The following LZTS3 variants were observed in gnomAD, a reference collection of about 807,000 sequenced individuals.
LZTS3 encodes leucine zipper putative tumor suppressor 3.
LZTS3 carries 16 observed loss-of-function variants against 50.9 expected under a neutral mutation model. The observed-to-expected ratio is 0.31, with a 90% confidence interval of 0.21 to 0.48. The LOEUF (loss-of-function observed/expected upper bound fraction) is 0.48. Among genes scored for constraint, LZTS3 ranks in the 20% least tolerant of loss-of-function variants. The pLI, the probability that LZTS3 is intolerant of heterozygous loss-of-function variation, is 0.99. For synonymous variants in LZTS3, 408 were observed against 410.6 expected (o/e 0.99, Z 0.08); for missense variants, 816 against 931.0 (o/e 0.88, Z 1.61).
chr20:3,165,252 G>A lies in LZTS3; in HGVS notation c.1324-100C>T. 1 of 1,280,972 alleles carries A rather than the reference G, an allele frequency of 7.8e-7. No homozygotes were observed. Among genetic ancestry groups the A allele is most frequent in the Non-Finnish European group, 1.0e-6 (1 of 958,918 alleles). The allele number at this position is 1,280,972 out of a possible 1,614,324, so 79.4% of individuals were successfully genotyped here. ...GGAGCCAGGGGCACCAAGCTTCCCGGGGCTGCAGGCTCAGCCCCTCATCAG... is the reference window on the plus strand; with the variant it reads ...GGAGCCAGGGGCACCAAGCTTCCCGAGGCTGCAGGCTCAGCCCCTCATCAG... On this transcript the variant is annotated intron_variant, in intron 4 of 4. Coordinates refer to ENST00000337576, the MANE Select transcript of LZTS3 (RefSeq NM_001365618.1). This position sits in a 1 kb window ranked among gnomAD's most constrained non-coding sequence, Gnocchi z 5.0.
rs370096639 is a variant in LZTS3 at position 3,165,449 on chromosome 20, G to C, written c.1323+48C>G. ...GGGGCAACTGCTCTGGGGTTTCCCA[G>C]AGGGACAGAAGGGAGGCAGAGGGGA... is the stretch of plus-strand genomic sequence containing the variant. On this transcript the variant is annotated intron_variant, in intron 4 of 4. Transcript: ENST00000337576. The surrounding 1 kb of genome is among the most constrained non-coding windows in gnomAD (Gnocchi z 5.0). 89 of 1,425,290 alleles carry C rather than the reference G, an allele frequency of 6.2e-5. No individual in the cohort carries two copies. The highest frequency in any genetic ancestry group is 8.0e-5 in the Non-Finnish European group (86 of 1,081,122). 88.3% of individuals were successfully genotyped at this position (1,425,290 alleles called of 1,614,324 possible). A position where few individuals can be genotyped will look rare whatever the true frequency, so the allele number is the denominator to read the frequency against.
Position 3,165,888 on chromosome 20 carries a change from G to A in LZTS3, c.932C>T (p.Ala311Val), listed in dbSNP as rs147187771. The change falls in exon 4 of 5, where the codon GCC becomes GTC. Residue 311 changes from alanine to valine, a missense_variant. Ala to Val is a moderately conservative substitution (Grantham distance 64, BLOSUM62 0). Transcript: ENST00000337576. This position sits in a 1 kb window ranked among gnomAD's most constrained non-coding sequence, Gnocchi z 5.0. ...EGGGGGLPFA[A>V]CSPPSPSALI... The stretch of plus-strand genomic sequence containing the variant: ...TGCACTGGGGGAGGGCGGTGAGCAG[G>A]CCGCGAAAGGCAGGCCTCCACCTCC... The A allele has an allele frequency of 1.2e-6, 2 of 1,607,578 alleles. No homozygotes were observed. The highest frequency in any genetic ancestry group is 2.2e-5 in the East Asian group (1 of 44,866).
In LZTS3 at chr20:3,163,687, G is replaced by C. The variant is rs2122155899; in HGVS notation, c.*767C>G. On this transcript the variant is annotated 3_prime_UTR_variant, in exon 5 of 5. Transcript: ENST00000337576. The surrounding 1 kb of genome is among the most constrained non-coding windows in gnomAD (Gnocchi z 5.2). ...GCCAAGCAGATGGGGCTGTTGCCCT[G>C]CGGGATCCTGGCCAGAAGGGTGAGG... is the stretch of plus-strand genomic sequence containing the variant. 6.6e-6 allele frequency: 1 copy of C among 152,564 alleles called. No individual in the cohort carries two copies. The highest frequency in any genetic ancestry group is 1.9e-4 in the East Asian group (1 of 5,198). 9.5% of individuals were successfully genotyped at this position (152,564 alleles called of 1,614,324 possible).
At position 3,165,380 on chromosome 20, in the gene LZTS3, C is replaced by G; in HGVS notation, c.1323+117G>C. 1.4e-6 allele frequency: 2 copies of G among 1,398,384 alleles called. No homozygotes were observed. The highest frequency in any genetic ancestry group is 1.9e-6 in the Non-Finnish European group (2 of 1,058,412). The allele number at this position is 1,398,384 out of a possible 1,614,324, so 86.6% of individuals were successfully genotyped here. Reference sequence around the variant, plus strand: ...CACTCCCAATTGATTTTTGTCCCCCCTGCTCCTTTCATCCCCCCCCCCATC... The same window carrying G: ...CACTCCCAATTGATTTTTGTCCCCCGTGCTCCTTTCATCCCCCCCCCCATC... On this transcript the variant is annotated intron_variant, in intron 4 of 4. Coordinates refer to ENST00000337576, the MANE Select transcript of LZTS3 (RefSeq NM_001365618.1). This position sits in a 1 kb window ranked among gnomAD's most constrained non-coding sequence, Gnocchi z 5.0.
rs370607510 is a variant in LZTS3 at position 3,166,007 on chromosome 20, C to T, written c.813G>A (p.Gln271=). The change falls in exon 4 of 5, where the codon CAG becomes CAA. Residue 271 remains glutamine, a synonymous_variant. Transcript: ENST00000337576. ...GTCCACTATCGGAGGTCCCCAGGTC[C>T]TGGTAGCCCGACCCCCCACCGCTGC... ...GGSSGGGSGY[Q]DLGTSDSGRA... 9 of 1,613,298 alleles carry T rather than the reference C, an allele frequency of 5.6e-6. No homozygotes were observed. The African/African-American group carries it at 9.3e-5, about 17-fold the overall frequency.
At position 3,166,375 on chromosome 20, in the gene LZTS3, G is replaced by A. The variant is rs2066820634; in HGVS notation, c.460-15C>T. 6.3e-7 allele frequency: 1 copy of A among 1,585,066 alleles called. No homozygotes were observed. The highest frequency in any genetic ancestry group is 1.2e-5 in the South Asian group (1 of 85,434). Reference sequence around the variant, plus strand: ...GGTTCTGAGCACTGCAGGAAACGCAGGAGGGGGCTGGGGGTCAGGATGAGG... The same window carrying A: ...GGTTCTGAGCACTGCAGGAAACGCAAGAGGGGGCTGGGGGTCAGGATGAGG... On this transcript the variant is annotated splice_polypyrimidine_tract_variant and intron_variant, in intron 3 of 4. Transcript: ENST00000337576.
At position 3,167,973 on chromosome 20, in the gene LZTS3, G is replaced by T; in HGVS notation, c.-242-12C>A. ...TGCAGTTTTCTCCTCTGCGAAATGGGAGGAATGAAGGACCTACCTTGCGGG... is the reference window on the plus strand; with the variant it reads ...TGCAGTTTTCTCCTCTGCGAAATGGTAGGAATGAAGGACCTACCTTGCGGG... On this transcript the variant is annotated splice_polypyrimidine_tract_variant and intron_variant, in intron 1 of 4. Transcript: ENST00000337576. The T allele has an allele frequency of 1.7e-6, 1 of 598,480 alleles. No individual in the cohort carries two copies. Among genetic ancestry groups the T allele is most frequent in the Non-Finnish European group, 2.1e-6 (1 of 476,544 alleles). 37.1% of individuals were successfully genotyped at this position (598,480 alleles called of 1,614,324 possible). A position where few individuals can be genotyped will look rare whatever the true frequency, so the allele number is the denominator to read the frequency against.
At chr20:3,170,682 A>T (rs2066893576) in intron 1 of LZTS3, among the ~76,000 whole-genome samples, 1 of 151,946 alleles carries the variant, frequency 6.6e-6, no homozygotes, top group Non-Finnish European at 1.5e-5. Context: ...AATCCCAGCT[A>T]CTCAGGAGGC....
chr20:3,164,485 C>T lies in LZTS3; in HGVS notation c.1991G>A (p.Arg664His), dbSNP rs554087618. ...TTCTGTGGACTCAATGCGCTCGAGG[C>T]GGGAGGGGGTCCAGGCCTTCTTCTC... ...GEEKKAWTPS[R>H]LERIESTEI The change falls in exon 5 of 5, where the codon CGC (arginine) becomes CAC (histidine). Residue 664 changes from arginine to histidine, a missense_variant. This residue lies in a region of LZTS3 where 107 missense variants were observed against 130.4 expected (regional missense o/e 0.82). Transcript: ENST00000337576. 3 of 1,564,624 alleles carry T rather than the reference C, an allele frequency of 1.9e-6. No homozygotes were observed. The highest frequency in any genetic ancestry group is 2.4e-5 in the East Asian group (1 of 42,140).
rs189509788 is a variant in LZTS3 at position 3,167,855 on chromosome 20, G to C, written c.-136C>G. On this transcript the variant is annotated 5_prime_UTR_variant, in exon 2 of 5. Coordinates refer to ENST00000337576, the MANE Select transcript of LZTS3 (RefSeq NM_001365618.1). ...TCAAGCCTGGGACCCTCCGAGGCCC[G>C]GTCTGCAGGGGCCATGTGCCTCACT... 1,431 of 985,446 alleles carry C rather than the reference G, an allele frequency of 1.5e-3. 4 individuals are homozygous for C. The highest frequency in any genetic ancestry group is 1.6e-3 in the Non-Finnish European group (1,345 of 829,940). 61.0% of individuals were successfully genotyped at this position (985,446 alleles called of 1,614,324 possible). A position where few individuals can be genotyped will look rare whatever the true frequency, so the allele number is the denominator to read the frequency against.
chr20:3,169,877 C>CT (rs1280957100), intron 1 of LZTS3, among the ~76,000 whole-genome samples: 1 of 92,488 alleles, frequency 1.1e-5, no homozygotes, highest in African/African-American at 4.1e-5. Flanking sequence ...AGACTCTTTC[C>CT]TTAAAAAAAA....
intron 2 of LZTS3, chr20:3,167,468 A>G (rs771954377): frequency 1.1e-6 from 1 of 885,444 alleles, no homozygotes; most frequent in African/African-American, 2.2e-5. Context: ...TCAGCGTTCC[A>G]TTCCTAAACT....
chr20:3,167,314 C>A (rs904646290), intron 2 of LZTS3, 133 bp from the exon 3 acceptor site: 10 of 1,382,978 alleles, frequency 7.2e-6, no homozygotes, highest in Non-Finnish European at 9.3e-6. Flanking sequence ...AGTTCCCAGG[C>A]ATCCAAGGTG....
rs746243110 is a variant in LZTS3 at position 3,165,947 on chromosome 20, C to T, written c.873G>A (p.Met291Ile). ...ASSKSGSSSS[M>I]GRPGHLGSGE... ...CAGAGCCCAGGTGGCCTGGCCGCCC[C>T]ATAGATGACGACGACCCACTCTTGC... Residue 291 changes from methionine (M) to isoleucine (I), a missense_variant, in exon 4 of 5, where the codon ATG becomes ATA. Coordinates refer to ENST00000337576, the MANE Select transcript of LZTS3 (RefSeq NM_001365618.1). This position sits in a 1 kb window ranked among gnomAD's most constrained non-coding sequence, Gnocchi z 5.0. 1.6e-5 allele frequency: 25 copies of T among 1,612,754 alleles called. No homozygotes were observed. The highest frequency in any genetic ancestry group is 2.0e-5 in the Non-Finnish European group (24 of 1,180,018).
At position 3,167,068 on chromosome 20, in the gene LZTS3, G is replaced by T; in HGVS notation, c.96C>A (p.Asp32Glu). The T allele has an allele frequency of 6.4e-7, 1 of 1,554,196 alleles. No individual in the cohort carries two copies. The highest frequency in any genetic ancestry group is 8.7e-7 in the Non-Finnish European group (1 of 1,152,866). ...CCACGCTGCCCATGGCCAGGCGGGGGTCCGGGGGTCCAAGCTCGGAGGGCC... is the reference window on the plus strand; with the variant it reads ...CCACGCTGCCCATGGCCAGGCGGGGTTCCGGGGGTCCAAGCTCGGAGGGCC... ...APRPSELGPP[D>E]PRLAMGSVGS... Residue 32 changes from aspartate to glutamate, a missense_variant, in exon 3 of 5, where the codon GAC (aspartate) becomes GAA (glutamate). This residue lies in a region of LZTS3 where 700 missense variants were observed against 769.4 expected (regional missense o/e 0.91). Coordinates refer to ENST00000337576, the MANE Select transcript of LZTS3 (RefSeq NM_001365618.1).
chr20:3,164,830 AC>A lies in LZTS3; in HGVS notation c.1645del (p.Val549TrpfsTer64). 1.3e-6 allele frequency: 2 copies of A among 1,549,482 alleles called. No homozygotes were observed. The highest frequency in any genetic ancestry group is 8.7e-7 in the Non-Finnish European group (1 of 1,152,366). ...DEAKMRRQAG[V>X]AAAASLVSVD... ...GGAAACCAAGGAGGCGGCAGCGGCC[AC>A]CCCGGCCTGACGGCGCATCTTAGCC... On this transcript the variant is annotated frameshift_variant, in exon 5 of 5. Transcript: ENST00000337576. LOFTEE classifies it high-confidence loss of function.
At position 3,171,662 on chromosome 20, in the gene LZTS3, C is replaced by CAAA. The variant is rs35361315; in HGVS notation, c.-243+1790_-243+1792dup. On this transcript the variant is annotated intron_variant, in intron 1 of 4. Coordinates refer to ENST00000337576, the MANE Select transcript of LZTS3 (RefSeq NM_001365618.1). ...TGGGCAACGGAGTGAGATACCCCCT[C>CAAA]AAAAAAAAAAAAAAAAAAATCCCAG... 3.1e-3 allele frequency among the ~76,000 whole-genome samples: 331 copies of CAAA among 108,354 alleles called. 4 individuals are homozygous for CAAA. Among genetic ancestry groups the CAAA allele is most frequent in the African/African-American group, 0.01 (304 of 29,786 alleles). 71.1% of individuals were successfully genotyped at this position (108,354 alleles called of 152,430 possible). A position where few individuals can be genotyped will look rare whatever the true frequency, so the allele number is the denominator to read the frequency against.
intron 1 of LZTS3, among the ~76,000 whole-genome samples, chr20:3,172,900 T>C (rs1391593401): frequency 2.6e-5 from 4 of 151,978 alleles, no homozygotes; most frequent in Non-Finnish European, 5.9e-5. Context: ...GGGAGATCCG[T>C]CTTCCCTCGG....
chr20:3,164,126 C>T lies in LZTS3; in HGVS notation c.*328G>A. On this transcript the variant is annotated 3_prime_UTR_variant, in exon 5 of 5. Transcript: ENST00000337576. The stretch of plus-strand genomic sequence containing the variant: ...CCAGGCCTCCAGAAGGACTGGGGCA[C>T]CTTATGGCACTGCACGTCTGCTGCC... 3.7e-6 allele frequency: 1 copy of T among 273,082 alleles called. No individual in the cohort carries two copies. The highest frequency in any genetic ancestry group is 7.1e-5 in the East Asian group (1 of 13,996). 16.9% of individuals were successfully genotyped at this position (273,082 alleles called of 1,614,324 possible).
Sources: gnomAD v4.1 joint callset for allele counts (sites outside exome capture counted in the v4.1 genomes callset) on GRCh38, gnomAD v4.1.1 for gene constraint, gnomAD v4.1.1 regional missense constraint, Gnocchi (gnomAD v3.1) non-coding constraint, MANE v1.5 for transcripts, NCBI Gene and HGNC (gene_info 2026-07-23, HGNC 2026-07-21) for gene names.